C4orf50: variants seen among roughly 807,000 people sequenced by gnomAD.
C4orf50 encodes chromosome 4 open reading frame 50, also known as uncharacterized protein C4orf50.
C4orf50 carries 80 observed loss-of-function variants against 77.2 expected under a neutral mutation model. That is an observed-to-expected ratio of 1.04 (90% confidence interval 0.87 to 1.25). C4orf50 has a LOEUF of 1.25. C4orf50 is among the 50% of genes most tolerant of loss of function. C4orf50 has a pLI of 0.00. For synonymous variants in C4orf50, 532 were observed against 465.3 expected (o/e 1.14, Z -1.84); for missense variants, 1,257 against 1,152.9 (o/e 1.09, Z -1.31).
exon 28 of C4orf50, chr4:5,988,756 T>G (rs74657608): frequency 1.3e-6 from 2 of 1,536,118 alleles, no homozygotes; most frequent in Non-Finnish European, 1.7e-6. Context: ...CTCCAGGACA[T>G]GGACCCTGCG....
chr4:5,934,211 G>A (rs557405238), intron 7 of C4orf50, among the ~76,000 whole-genome samples: 1 of 152,120 alleles, frequency 6.6e-6, no homozygotes, highest in East Asian at 1.9e-4. Context: ...AAGGCGAGGT[G>A]GACAGTGTTT....
In C4orf50 at chr4:5,991,122, G is replaced by A. The variant is rs565982458; in HGVS notation, c.1222-298C>T. On this transcript the variant is annotated intron_variant, in intron 27 of 33. Coordinates refer to ENST00000531445, the Ensembl canonical transcript of C4orf50. ...CCTGACCGCTCTCCCTCACTCTCGG[G>A]CCATCCACCCTATGTCATCTTCTCC... Among the ~76,000 whole-genome samples, 163 of 152,200 alleles carry A rather than the reference G, an allele frequency of 1.1e-3. 1 individual carries two copies. Among genetic ancestry groups the A allele is most frequent in the Admixed American group, 5.8e-3 (89 of 15,290 alleles).
chr4:5,983,507 A>C (rs112097899), intron 28 of C4orf50, among the ~76,000 whole-genome samples: 2,146 of 152,274 alleles, frequency 0.014, 54 homozygotes, highest in African/African-American at 0.049. Flanking sequence ...TAACCTTCGA[A>C]GTCTCAGCTC....
intron 7 of C4orf50, chr4:5,902,057 C>T (rs942235315): frequency 2.6e-5 from 4 of 152,192 alleles, no homozygotes; most frequent in South Asian, 2.1e-4. Flanking sequence ...TGGTGCCTGG[C>T]GCTTAGTGGT....
chr4:5,913,625 T>C (rs1716904091), intron 7 of C4orf50, among the ~76,000 whole-genome samples: 1 of 152,204 alleles, frequency 6.6e-6, no homozygotes, highest in African/African-American at 2.4e-5. Context: ...GTCCAATTGA[T>C]GGATTCGTTC....
In C4orf50 at chr4:5,959,311, C is replaced by T. The variant is rs1577932444; in HGVS notation, c.*64G>A. ...TGCTACCAATTTCTTAAAGCACTCTCTGAAGGTTCTGCTTCAAATATTTAT... is the reference window on the plus strand; with the variant it reads ...TGCTACCAATTTCTTAAAGCACTCTTTGAAGGTTCTGCTTCAAATATTTAT... On this transcript the variant is annotated 3_prime_UTR_variant, in exon 34 of 34. Transcript: ENST00000531445. 3.2e-6 allele frequency: 5 copies of T among 1,546,206 alleles called. No individual in the cohort carries two copies. In the African/African-American group the frequency reaches 4.1e-5, roughly 13 times the overall value.
At chr4:5,946,704 T>C (rs1382279830) in intron 7 of C4orf50, among the ~76,000 whole-genome samples, 2 of 152,246 alleles carry the variant, frequency 1.3e-5, no homozygotes, top group African/African-American at 2.4e-5. Context: ...GCCAATCGGG[T>C]TTCAGTTTAG....
intron 33 of C4orf50, among the ~76,000 whole-genome samples, chr4:5,964,729 C>T (rs1003985874): frequency 1.7e-4 from 24 of 143,598 alleles, no homozygotes; most frequent in Admixed American, 1.0e-3. Flanking sequence ...GATCGCGCCA[C>T]TGCACTCCAG....
At chr4:5,960,059 C>T (rs1193961748) in intron 33 of C4orf50, among the ~76,000 whole-genome samples, 1 of 152,182 alleles carries the variant, frequency 6.6e-6, no homozygotes, top group African/African-American at 2.4e-5. Context: ...CCAAATGTGC[C>T]ATCTTACTTG....
chr4:5,989,239 T>A, exon 28 of C4orf50: 1 of 1,536,044 alleles, frequency 6.5e-7, no homozygotes. Context: ...CTGGCTTCTC[T>A]GTTTCTTCAA....
chr4:5,979,469 T>C (rs1482444800), intron 29 of C4orf50, among the ~76,000 whole-genome samples: 4 of 152,208 alleles, frequency 2.6e-5, no homozygotes, highest in African/African-American at 9.7e-5. Context: ...ATTTCAAACA[T>C]GTACACATAC....
rs74386789 is a variant in C4orf50, at chr4:5,969,209, C to T, written c.4105-1747G>A. Among the ~76,000 whole-genome samples, 376 of 152,096 alleles carry T rather than the reference C, an allele frequency of 2.5e-3. 1 individual carries two copies. Among genetic ancestry groups the T allele is most frequent in the African/African-American group, 8.3e-3 (343 of 41,482 alleles). On this transcript the variant is annotated intron_variant, in intron 31 of 33. Transcript: ENST00000531445. ...CTCCCGAGCCCTGCCTCTCTCCCCA[C>T]GAAAACTTTTAGGGGAATATTCTAA...
exon 34 of C4orf50, chr4:5,959,397 G>A: frequency 6.2e-7 from 1 of 1,614,138 alleles, no homozygotes; most frequent in Non-Finnish European, 8.5e-7. Context: ...CTCCAGCGGT[G>A]ATTTATGGAC....
At chr4:5,915,802 T>G (rs1717004533) in intron 7 of C4orf50, among the ~76,000 whole-genome samples, 1 of 152,242 alleles carries the variant, frequency 6.6e-6, no homozygotes. Flanking sequence ...TGACTCACTC[T>G]TCCATCACAG....
Position 6,011,455 on chromosome 4 carries a change from G to T in C4orf50, c.426+375C>A, listed in dbSNP as rs111783504. ...AGCCCCCTGAACACACGCCATGGGG[G>T]ATCGCACACTCCCCCATGGCACCCC... On this transcript the variant is annotated intron_variant, in intron 24 of 33. Transcript: ENST00000531445. This position sits in a 1 kb window ranked among gnomAD's most constrained non-coding sequence, Gnocchi z 4.2. Among the ~76,000 whole-genome samples, 34 of 152,032 alleles carry T rather than the reference G, an allele frequency of 2.2e-4. No homozygotes were observed. Among genetic ancestry groups the T allele is most frequent in the African/African-American group, 7.7e-4 (32 of 41,466 alleles).
chr4:5,963,980 G>A (rs1577938358), intron 33 of C4orf50, among the ~76,000 whole-genome samples: 2 of 152,022 alleles, frequency 1.3e-5, no homozygotes, highest in Non-Finnish European at 2.9e-5. Flanking sequence ...GACTGATTAG[G>A]GTCTTTAGGA....
At chr4:5,988,048 C>T (rs1560584228) in intron 28 of C4orf50, among the ~76,000 whole-genome samples, 1 of 151,230 alleles carries the variant, frequency 6.6e-6, no homozygotes, top group African/African-American at 2.5e-5. Flanking sequence ...GTGAACACCC[C>T]GTGGGTGCCC....
intron 25 of C4orf50, among the ~76,000 whole-genome samples, chr4:5,995,695 C>T (rs1721544689): frequency 6.6e-6 from 1 of 152,212 alleles, no homozygotes. Context: ...TCTGTCTGCA[C>T]CCTCATCCTA....
At chr4:5,909,477 G>A (rs1390297103) in intron 7 of C4orf50, among the ~76,000 whole-genome samples, 1 of 152,148 alleles carries the variant, frequency 6.6e-6, no homozygotes, top group African/African-American at 2.4e-5. Context: ...TTACTCTGTT[G>A]ATTGTTTCCT....
Sources: gnomAD v4.1 joint callset for allele counts (sites outside exome capture counted in the v4.1 genomes callset) on GRCh38, gnomAD v4.1.1 for gene constraint, Gnocchi (gnomAD v3.1) non-coding constraint, MANE v1.5 for transcripts, NCBI Gene and HGNC (gene_info 2026-07-23, HGNC 2026-07-21) for gene names.